The following CADM1 variants were observed in gnomAD, a reference collection of about 807,000 sequenced individuals.
CADM1 encodes TSLC-1.
Under a neutral mutation model 53.1 loss-of-function variants are expected in CADM1, and 15 were observed. The ratio of observed to expected loss-of-function variants is 0.28; its 90% CI spans 0.19 to 0.44. The LOEUF (loss-of-function observed/expected upper bound fraction) is 0.44, where lower values mean the gene tolerates loss of function less well. Among genes scored for constraint, CADM1 ranks in the 20% least tolerant of loss-of-function variants. CADM1 has a pLI of 1.00. For missense variants in CADM1, 434 were observed against 611.3 expected, an observed-to-expected ratio of 0.71 and a Z score of 3.06; for synonymous variants, 281 against 243.0, an observed-to-expected ratio of 1.16 and a Z score of -1.45.
At chr11:115,185,918 G>A (rs1354129872) in intron 10 of CADM1, among the ~76,000 whole-genome samples, 1 of 152,184 alleles carries the variant, frequency 6.6e-6, no homozygotes, top group Non-Finnish European at 1.5e-5. Context: ...AATGAATATG[G>A]TGAAGTCACC....
At chr11:115,176,614 C>A (rs1187671077) in intron 11 of CADM1, 22 bp from the exon 12 acceptor site, 2 of 1,594,552 alleles carry the variant, frequency 1.3e-6, no homozygotes, top group Non-Finnish European at 1.7e-6. Flanking sequence ...AGGGGTAAAG[C>A]ACCGTGACTG....
At chr11:115,204,284 T>C (rs1940575353) in intron 8 of CADM1, among the ~76,000 whole-genome samples, 1 of 152,196 alleles carries the variant, frequency 6.6e-6, no homozygotes, top group Non-Finnish European at 1.5e-5. Flanking sequence ...CCTTCTTTGA[T>C]GGCACAGACC....
intron 1 of CADM1, among the ~76,000 whole-genome samples, chr11:115,459,077 A>T (rs1414403052): frequency 6.6e-6 from 1 of 152,204 alleles, no homozygotes; most frequent in East Asian, 1.9e-4. Context: ...GGAACAATGC[A>T]ATCTATTCAC....
chr11:115,420,713 G>A (rs1331127477), intron 1 of CADM1, among the ~76,000 whole-genome samples: 2 of 152,172 alleles, frequency 1.3e-5, no homozygotes, highest in African/African-American at 2.4e-5. Context: ...TGTGGGTCCT[G>A]AATTATTTAC....
At chr11:115,498,296 T>A (rs975244777) in intron 1 of CADM1, among the ~76,000 whole-genome samples, 1 of 152,202 alleles carries the variant, frequency 6.6e-6, no homozygotes, top group Non-Finnish European at 1.5e-5. Context: ...CTTAGCCAGT[T>A]CGAAATGGAA....
chr11:115,340,725 A>C (rs1370551283), intron 1 of CADM1, among the ~76,000 whole-genome samples: 2 of 133,924 alleles, frequency 1.5e-5, no homozygotes, highest in African/African-American at 5.7e-5. Flanking sequence ...TAGTGGCGCA[A>C]CTTTGGCTCA....
At chr11:115,212,776 C>A (rs1055421234) in intron 7 of CADM1, among the ~76,000 whole-genome samples, 1 of 152,168 alleles carries the variant, frequency 6.6e-6, no homozygotes, top group African/African-American at 2.4e-5. Flanking sequence ...TACAACCTTT[C>A]TGAACTTCAG....
At chr11:115,460,270 C>G (rs973919814) in intron 1 of CADM1, among the ~76,000 whole-genome samples, 1 of 152,144 alleles carries the variant, frequency 6.6e-6, no homozygotes, top group Non-Finnish European at 1.5e-5. Flanking sequence ...TAACGCAAAC[C>G]TTTTCCCTTT....
intron 1 of CADM1, among the ~76,000 whole-genome samples, chr11:115,253,310 G>A (rs1033334611): frequency 1.3e-5 from 2 of 152,122 alleles, no homozygotes; most frequent in Non-Finnish European, 2.9e-5. Context: ...CTGCCTTTAG[G>A]ACTAAGTGCA....
intron 4 of CADM1, among the ~76,000 whole-genome samples, chr11:115,229,728 G>A (rs1941748637): frequency 2.6e-5 from 4 of 152,172 alleles, no homozygotes; most frequent in Admixed American, 6.5e-5. Flanking sequence ...AATCCCCTAA[G>A]TAATTCAACA....
At chr11:115,378,170 G>T (rs546372415) in intron 1 of CADM1, among the ~76,000 whole-genome samples, 1 of 152,060 alleles carries the variant, frequency 6.6e-6, no homozygotes, top group African/African-American at 2.4e-5. Flanking sequence ...ATTCAAACCT[G>T]GGATCAATTT....
At chr11:115,229,364 T>C in intron 4 of CADM1, 93 bp from the exon 5 acceptor site, 1 of 1,161,150 alleles carries the variant, frequency 8.6e-7, no homozygotes, top group Non-Finnish European at 1.3e-6. Flanking sequence ...AACCCCAACA[T>C]TGCTATTTTA....
At chr11:115,207,869 T>TA (rs1235909825) in intron 8 of CADM1, among the ~76,000 whole-genome samples, 6 of 152,154 alleles carry the variant, frequency 3.9e-5, no homozygotes, top group African/African-American at 1.4e-4. Flanking sequence ...TATTTTACAC[T>TA]AGTATCTAAA....
chr11:115,250,172 G>A lies in CADM1; in HGVS notation c.125-9752C>T, dbSNP rs1011639429. Among the ~76,000 whole-genome samples the A allele has an allele frequency of 4.6e-5, 7 of 152,162 alleles. 1 individual carries two copies. Among genetic ancestry groups the A allele is most frequent in the South Asian group, 2.1e-4 (1 of 4,822 alleles). The stretch of plus-strand genomic sequence containing the variant: ...CCTGCCTCAGCCTCGCAAAGTGCTG[G>A]GATTACAAGCATGAGCCACTGTGCC... On this transcript the variant is annotated intron_variant, in intron 1 of 11. Coordinates refer to ENST00000331581, the MANE Select transcript of CADM1 (RefSeq NM_001301043.2).
At position 115,478,727 on chromosome 11, in the gene CADM1, T is replaced by C. The variant is rs1378444179; in HGVS notation, c.124+25544A>G. ...TGATTCTTCACATTTTAAATGAATA[T>C]GCCAATTAGATAGTATGCATTATAG... On this transcript the variant is annotated intron_variant, in intron 1 of 11. Transcript: ENST00000331581. Among the ~76,000 whole-genome samples, 4 of 152,176 alleles carry C rather than the reference T, an allele frequency of 2.6e-5. No individual in the cohort carries two copies. The East Asian group carries it at 7.7e-4, about 29-fold the overall frequency.
At chr11:115,424,849 A>G (rs1232632800) in intron 1 of CADM1, among the ~76,000 whole-genome samples, 1 of 152,136 alleles carries the variant, frequency 6.6e-6, no homozygotes, top group Non-Finnish European at 1.5e-5. Flanking sequence ...TTCTATATAT[A>G]CAAACAACAA....
At chr11:115,404,844 GAAAAAAAAAA>G (rs774430187) in intron 1 of CADM1, among the ~76,000 whole-genome samples, 4 of 52,348 alleles carry the variant, frequency 7.6e-5, no homozygotes, top group African/African-American at 2.0e-4. Context: ...CCTGCCTCAG[GAAAAAAAAAA>G]AAAAAAAAAA....
At chr11:115,323,331 T>C (rs916228760) in intron 1 of CADM1, among the ~76,000 whole-genome samples, 1 of 152,216 alleles carries the variant, frequency 6.6e-6, no homozygotes, top group Non-Finnish European at 1.5e-5. Flanking sequence ...CTGTGTGACA[T>C]TTCCCAACAA....
chr11:115,490,689 T>C (rs557499903), intron 1 of CADM1, among the ~76,000 whole-genome samples: 3 of 152,254 alleles, frequency 2.0e-5, no homozygotes, highest in South Asian at 4.1e-4. Context: ...AGAGCCACCA[T>C]GCCCGGCCAG....
Sources: allele counts gnomAD v4.1 joint callset (sites outside exome capture counted in the v4.1 genomes callset), GRCh38; gene constraint gnomAD v4.1.1; transcripts MANE v1.5; gene names NCBI Gene and HGNC (gene_info 2026-07-23, HGNC 2026-07-21).